NKAIN3: variants seen among roughly 807,000 people sequenced by gnomAD.
NKAIN3 encodes the protein sodium/potassium-transporting ATPase subunit beta-1-interacting protein 3.
In NKAIN3, 25 loss-of-function variants were observed where a neutral mutation model predicts 30.2. The ratio of observed to expected loss-of-function variants is 0.83; its 90% CI spans 0.60 to 1.16. The LOEUF is 1.16. Ranked by LOEUF, NKAIN3 falls within the 50% of genes most tolerant of loss-of-function variation. The pLI is 0.00. For synonymous variants in NKAIN3, 91 were observed against 89.6 expected (o/e 1.02, Z -0.09); for missense variants, 225 against 254.1 (o/e 0.89, Z 0.78).
intron 1 of NKAIN3, among the ~76,000 whole-genome samples, chr8:62,421,656 G>A (rs1262543268): frequency 2.0e-5 from 3 of 151,272 alleles, no homozygotes; most frequent in Non-Finnish European, 3.0e-5. Context: ...ATATATATAT[G>A]TACCTTTCTA....
intron 3 of NKAIN3, among the ~76,000 whole-genome samples, chr8:62,629,983 C>T (rs1410488643): frequency 1.3e-5 from 2 of 151,926 alleles, no homozygotes; most frequent in African/African-American, 4.8e-5. Flanking sequence ...CAAATGTTGT[C>T]TGAAAACAGC....
rs59854103 is a variant in NKAIN3, at chr8:62,932,995, A to AACACACACACACACACACAC, written c.532+14497_532+14516dup. On this transcript the variant is annotated intron_variant, in intron 5 of 6. Transcript: ENST00000623646. The stretch of plus-strand genomic sequence containing the variant: ...TAACTACCCCAAGCCTCACTCAATG[A>AACACACACACACACACACAC]ACACACACACACACACACACACACA... 8.5e-5 allele frequency among the ~76,000 whole-genome samples: 12 copies of AACACACACACACACACACAC among 141,794 alleles called. 1 individual carries two copies. Among genetic ancestry groups the AACACACACACACACACACAC allele is most frequent in the Admixed American group, 2.8e-4 (4 of 14,284 alleles). The allele number at this position is 141,794 out of a possible 152,430, so 93.0% of individuals were successfully genotyped here. A position where few individuals can be genotyped will look rare whatever the true frequency, so the allele number is the denominator to read the frequency against.
At chr8:62,778,629 C>T (rs924372514) in intron 4 of NKAIN3, among the ~76,000 whole-genome samples, 1 of 152,092 alleles carries the variant, frequency 6.6e-6, no homozygotes, top group African/African-American at 2.4e-5. Flanking sequence ...TGGCCCAGAA[C>T]AGGACCAGAA....
chr8:62,929,970 A>G (rs1320367215), intron 5 of NKAIN3, among the ~76,000 whole-genome samples: 1 of 152,208 alleles, frequency 6.6e-6, no homozygotes, highest in Non-Finnish European at 1.5e-5. Flanking sequence ...TCTAGATGCT[A>G]CATAGAACTT....
At chr8:62,555,012 A>G (rs1052648373) in intron 1 of NKAIN3, among the ~76,000 whole-genome samples, 2 of 2,162 alleles carry the variant, frequency 9.3e-4, no homozygotes, top group African/African-American at 1.8e-3. Context: ...CAGAATCTAT[A>G]CACACACACA....
chr8:62,485,178 T>A (rs1176993046), intron 1 of NKAIN3, among the ~76,000 whole-genome samples: 2 of 151,762 alleles, frequency 1.3e-5, no homozygotes, highest in Non-Finnish European at 2.9e-5. Context: ...TTGCTTTCTG[T>A]CCTCACAGCA....
intron 1 of NKAIN3, among the ~76,000 whole-genome samples, chr8:62,270,812 C>A (rs1812754996): frequency 6.6e-6 from 1 of 152,140 alleles, no homozygotes; most frequent in Non-Finnish European, 1.5e-5. Context: ...GAGCATGTGG[C>A]ATTTGCGTTT....
At chr8:62,865,483 G>C (rs1378778631) in intron 4 of NKAIN3, among the ~76,000 whole-genome samples, 1 of 151,998 alleles carries the variant, frequency 6.6e-6, no homozygotes, top group East Asian at 1.9e-4. Context: ...TCTGATCCTG[G>C]GGAAGAGCAG....
At position 62,876,348 on chromosome 8, in the gene NKAIN3, C is replaced by T. The variant is rs900795855; in HGVS notation, c.472-42105C>T. Among the ~76,000 whole-genome samples, 25 of 152,140 alleles carry T rather than the reference C, an allele frequency of 1.6e-4. 1 individual carries two copies. Among genetic ancestry groups the T allele is most frequent in the Admixed American group, 1.6e-3 (25 of 15,268 alleles). ...GTGAGGGTGTGGAGGAATAGGAATG[C>T]TTTTACCCTCTTGGTGTGAATGTAA... On this transcript the variant is annotated intron_variant, in intron 4 of 6. Transcript: ENST00000623646.
At chr8:62,347,245 C>T (rs1441752215) in intron 1 of NKAIN3, among the ~76,000 whole-genome samples, 1 of 152,092 alleles carries the variant, frequency 6.6e-6, no homozygotes, top group Non-Finnish European at 1.5e-5. Context: ...AGGAGCTTTG[C>T]TTGAATTTAT....
intron 3 of NKAIN3, among the ~76,000 whole-genome samples, chr8:62,666,168 A>G (rs1309936365): frequency 6.6e-6 from 1 of 152,114 alleles, no homozygotes; most frequent in Non-Finnish European, 1.5e-5. Flanking sequence ...AGCCGAGATC[A>G]CGCCACTGCA....
chr8:62,484,062 G>T (rs919310301), intron 1 of NKAIN3, among the ~76,000 whole-genome samples: 1 of 152,154 alleles, frequency 6.6e-6, no homozygotes, highest in Admixed American at 6.5e-5. Flanking sequence ...TACACAAGTC[G>T]GTAGGTGCTG....
chr8:62,789,361 C>T (rs1482461765), intron 4 of NKAIN3, among the ~76,000 whole-genome samples: 7 of 151,978 alleles, frequency 4.6e-5, no homozygotes, highest in East Asian at 1.9e-4. Flanking sequence ...TAAGAATGCT[C>T]GTGATTTTTG....
intron 1 of NKAIN3, among the ~76,000 whole-genome samples, chr8:62,256,569 A>G (rs1181644868): frequency 6.6e-6 from 1 of 152,166 alleles, no homozygotes; most frequent in East Asian, 1.9e-4. Flanking sequence ...CGTGTTTCCC[A>G]TCCTGAATAG....
chr8:62,870,256 A>ATAGATATAGATAACTATATATATC (rs1820572286), intron 4 of NKAIN3, among the ~76,000 whole-genome samples: 1 of 45,602 alleles, frequency 2.2e-5, no homozygotes, highest in Admixed American at 1.9e-4. Flanking sequence ...ATATCTATAT[A>ATAGATATAGATAACTATATATATC]TATATCTATA....
chr8:62,908,333 A>T (rs1035302943), intron 4 of NKAIN3, among the ~76,000 whole-genome samples: 1 of 151,804 alleles, frequency 6.6e-6, no homozygotes, highest in African/African-American at 2.4e-5. Context: ...TTTATCTCAG[A>T]TGAGACTTTG....
At chr8:62,726,628 C>T (rs190873772) in intron 3 of NKAIN3, among the ~76,000 whole-genome samples, 92 of 152,086 alleles carry the variant, frequency 6.0e-4, no homozygotes, top group Admixed American at 9.2e-4. Context: ...ACTATTCTTG[C>T]ATCCCTTTAT....
At chr8:62,499,004 A>G (rs1314868498) in intron 1 of NKAIN3, among the ~76,000 whole-genome samples, 1 of 152,182 alleles carries the variant, frequency 6.6e-6, no homozygotes, top group Non-Finnish European at 1.5e-5. Context: ...GATTCCAGCT[A>G]TAATCCTTTC....
chr8:62,424,683 G>T (rs1804749606), intron 1 of NKAIN3, among the ~76,000 whole-genome samples: 1 of 151,792 alleles, frequency 6.6e-6, no homozygotes, highest in South Asian at 2.1e-4. Flanking sequence ...TAGAACTCTT[G>T]TACACTATTG....
Sources: gnomAD v4.1 joint callset for allele counts (sites outside exome capture counted in the v4.1 genomes callset) on GRCh38, gnomAD v4.1.1 for gene constraint, MANE v1.5 for transcripts, NCBI Gene and HGNC (gene_info 2026-07-23, HGNC 2026-07-21) for gene names.